The following NWD2 variants were observed in gnomAD, a reference collection of about 807,000 sequenced individuals.
The protein encoded by NWD2 is NACHT and WD repeat domain containing 2, also known as NACHT and WD repeat domain-containing protein 2.
A neutral mutation model predicts 132.7 loss-of-function variants in NWD2; 37 were observed. The ratio of observed to expected loss-of-function variants is 0.28; its 90% CI spans 0.21 to 0.37. The LOEUF (loss-of-function observed/expected upper bound fraction) is 0.37, where lower values mean the gene tolerates loss of function less well. Ranked by LOEUF, NWD2 falls within the 10% of genes least tolerant of loss-of-function variation. The pLI, the probability that NWD2 is intolerant of heterozygous loss-of-function variation, is 1.00. For missense variants in NWD2, 1,592 were observed against 2,122.4 expected (o/e 0.75, Z 4.91); for synonymous variants, 705 against 803.0 (o/e 0.88, Z 2.06).
At position 37,340,681 on chromosome 4, in the gene NWD2, T is replaced by C. The variant is rs111545887; in HGVS notation, c.240+14657T>C. On this transcript the variant is annotated intron_variant, in intron 2 of 6. Transcript: ENST00000309447. ...ATCCTCAAGGTTAGGCAGTGGGAGA[T>C]GGCTAGGTTAAAAGAATATTCTAGG... Among the ~76,000 whole-genome samples the C allele has an allele frequency of 3.4e-3, 525 of 152,204 alleles. 5 individuals carry two copies. Among genetic ancestry groups the C allele is most frequent in the African/African-American group, 0.012 (511 of 41,520 alleles).
intron 3 of NWD2, among the ~76,000 whole-genome samples, chr4:37,361,467 G>A (rs534262890): frequency 1.2e-4 from 18 of 152,110 alleles, no homozygotes; most frequent in South Asian, 6.2e-4. Context: ...ATCCAACAGC[G>A]CATCAAAAAG....
intron 2 of NWD2, among the ~76,000 whole-genome samples, chr4:37,328,247 T>A (rs1443151484): frequency 6.6e-6 from 1 of 152,054 alleles, no homozygotes; most frequent in Non-Finnish European, 1.5e-5. Context: ...TGCTTTTCTT[T>A]TTATTATTAT....
intron 2 of NWD2, among the ~76,000 whole-genome samples, chr4:37,344,661 T>A (rs936032281): frequency 6.6e-6 from 1 of 152,190 alleles, no homozygotes; most frequent in Non-Finnish European, 1.5e-5. Flanking sequence ...TAGTTCTTTG[T>A]ATTTGCAATG....
At chr4:37,357,679 T>G (rs907407766) in intron 3 of NWD2, among the ~76,000 whole-genome samples, 2 of 152,096 alleles carry the variant, frequency 1.3e-5, no homozygotes, top group Admixed American at 1.3e-4. Flanking sequence ...GCTTACATTC[T>G]AATGTGGGTG....
chr4:37,380,960 G>A (rs1720441515), intron 3 of NWD2, among the ~76,000 whole-genome samples: 1 of 152,102 alleles, frequency 6.6e-6, no homozygotes, highest in Non-Finnish European at 1.5e-5. Context: ...GTTGAAAGGT[G>A]GTTGCAGGAA....
Position 37,447,503 on chromosome 4 carries a change from T to C in NWD2, c.*286T>C. On this transcript the variant is annotated 3_prime_UTR_variant, in exon 7 of 7. Transcript: ENST00000309447. Reference sequence around the variant, plus strand: ...AAATTAGCTGTGTGGTGAGGCAGCATAATACATCCCACTGGTTAAGATGAG... The same window carrying C: ...AAATTAGCTGTGTGGTGAGGCAGCACAATACATCCCACTGGTTAAGATGAG... 2.4e-6 allele frequency: 1 copy of C among 421,586 alleles called. No homozygotes were observed. The highest frequency in any genetic ancestry group is 2.9e-5 in the South Asian group (1 of 34,550). The allele number at this position is 421,586 out of a possible 1,614,324, so 26.1% of individuals were successfully genotyped here. A position where few individuals can be genotyped will look rare whatever the true frequency, so the allele number is the denominator to read the frequency against.
At chr4:37,369,127 A>G (rs1720162635) in intron 3 of NWD2, among the ~76,000 whole-genome samples, 1 of 152,198 alleles carries the variant, frequency 6.6e-6, no homozygotes, top group African/African-American at 2.4e-5. Flanking sequence ...TCACACCATT[A>G]TAGATACTTA....
At chr4:37,363,933 C>T (rs924807388) in intron 3 of NWD2, among the ~76,000 whole-genome samples, 2 of 150,944 alleles carry the variant, frequency 1.3e-5, no homozygotes, top group African/African-American at 4.9e-5. Context: ...ACCAGCCTGG[C>T]CAACGTGGTG....
In NWD2 at chr4:37,288,220, A is replaced by G. The variant is rs1249114553; in HGVS notation, c.152-37716A>G. On this transcript the variant is annotated intron_variant, in intron 1 of 6. Coordinates refer to ENST00000309447, the MANE Select transcript of NWD2 (RefSeq NM_001144990.2). ...TAGGTGCAGCAAACCACCATGGCACACATATACCTATGTAACAACCCTCCA... is the reference window on the plus strand; with the variant it reads ...TAGGTGCAGCAAACCACCATGGCACGCATATACCTATGTAACAACCCTCCA... Among the ~76,000 whole-genome samples, 7 of 152,374 alleles carry G rather than the reference A, an allele frequency of 4.6e-5. No individual in the cohort carries two copies. In the East Asian group the frequency reaches 9.6e-4, roughly 21 times the overall value.
intron 1 of NWD2, among the ~76,000 whole-genome samples, chr4:37,308,334 T>C (rs1718754947): frequency 6.6e-6 from 1 of 152,212 alleles, no homozygotes; most frequent in Non-Finnish European, 1.5e-5. Context: ...AGTAGTGTAG[T>C]GTCCATGTGT....
chr4:37,404,734 C>T (rs1036564248), intron 3 of NWD2, among the ~76,000 whole-genome samples: 14 of 152,284 alleles, frequency 9.2e-5, no homozygotes, highest in African/African-American at 1.4e-4. Flanking sequence ...TGGCGACATC[C>T]GCTCAGCTTC....
At chr4:37,322,602 G>T (rs1719090571) in intron 1 of NWD2, among the ~76,000 whole-genome samples, 1 of 152,168 alleles carries the variant, frequency 6.6e-6, no homozygotes, top group African/African-American at 2.4e-5. Context: ...TGAAGAGCTG[G>T]TAGGGGTTTT....
In NWD2 at chr4:37,446,345, G is replaced by A; in HGVS notation, c.4357G>A (p.Gly1453Arg). The change falls in exon 7 of 7, where the codon GGA becomes AGA. Residue 1453 changes from glycine to arginine, a missense_variant. Gly to Arg is a moderately radical substitution (Grantham distance 125). Transcript: ENST00000309447. The surrounding 1 kb of genome is among the most constrained non-coding windows in gnomAD (Gnocchi z 6.7). ...TACCTCCGCAAATACCTTCGTGGTG[G>A]GAATGACTAAAAGCAAAGTGTTGGC... Reference protein sequence around the residue: ...FITSANTFVVGMTKSKVLAVS... With the variant: ...FITSANTFVVRMTKSKVLAVS... 1 of 1,551,826 alleles carries A rather than the reference G, an allele frequency of 6.4e-7. No individual in the cohort carries two copies.
rs1255657847 is a variant in NWD2 at position 37,444,616 on chromosome 4, C to G, written c.2628C>G (p.Asp876Glu). ...KIGQFDKVLS[D>E]IELAYNYSQE... is the part of the protein sequence containing the mutation. ...GCCAGTTTGACAAAGTGCTTTCAGA[C>G]ATTGAGCTGGCTTACAACTACTCGC... The change falls in exon 7 of 7, where the codon GAC (aspartate) becomes GAG (glutamate). Residue 876 changes from aspartate (D) to glutamate (E), a missense_variant. By Grantham distance (45) the Asp-to-Glu change is conservative (BLOSUM62 2). This residue lies in a region of NWD2 where 1,071 missense variants were observed against 1,398.0 expected (regional missense o/e 0.77). Coordinates refer to ENST00000309447, the MANE Select transcript of NWD2 (RefSeq NM_001144990.2). This position sits in a 1 kb window ranked among gnomAD's most constrained non-coding sequence, Gnocchi z 4.8. 6.4e-7 allele frequency: 1 copy of G among 1,552,132 alleles called. No homozygotes were observed. The highest frequency in any genetic ancestry group is 2.4e-5 in the East Asian group (1 of 40,926).
intron 3 of NWD2, among the ~76,000 whole-genome samples, chr4:37,400,927 C>A (rs1342341660): frequency 6.6e-6 from 1 of 152,174 alleles, no homozygotes; most frequent in Non-Finnish European, 1.5e-5. Flanking sequence ...CAAACCATAT[C>A]CAAACCATAG....
intron 3 of NWD2, among the ~76,000 whole-genome samples, chr4:37,413,498 T>C (rs1721203666): frequency 1.3e-5 from 2 of 152,138 alleles, no homozygotes; most frequent in African/African-American, 4.8e-5. Flanking sequence ...TGTGGAGAAA[T>C]AGGAATGCTT....
chr4:37,321,226 C>T (rs1405994337), intron 1 of NWD2, among the ~76,000 whole-genome samples: 1 of 152,138 alleles, frequency 6.6e-6, no homozygotes, highest in Non-Finnish European at 1.5e-5. Flanking sequence ...CTGTATGAAG[C>T]TCCAATCTAG....
At chr4:37,255,308 A>G (rs576947822) in intron 1 of NWD2, among the ~76,000 whole-genome samples, 2 of 152,318 alleles carry the variant, frequency 1.3e-5, no homozygotes, top group African/African-American at 4.8e-5. Context: ...AAATTTAGCC[A>G]AAAGGGAAAG....
chr4:37,374,360 C>G (rs1720301005), intron 3 of NWD2, among the ~76,000 whole-genome samples: 1 of 151,546 alleles, frequency 6.6e-6, no homozygotes, highest in Admixed American at 6.6e-5. Context: ...AACAAGGAGC[C>G]AAAAAAAGCC....
Sources: gnomAD v4.1 joint callset for allele counts (sites outside exome capture counted in the v4.1 genomes callset) on GRCh38, gnomAD v4.1.1 for gene constraint, gnomAD v4.1.1 regional missense constraint, Gnocchi (gnomAD v3.1) non-coding constraint, MANE v1.5 for transcripts, NCBI Gene and HGNC (gene_info 2026-07-23, HGNC 2026-07-21) for gene names.